APLP2: variants seen among roughly 807,000 people sequenced by gnomAD.
APLP2 encodes the protein CDEI box-binding protein.
In APLP2, 53 loss-of-function variants were observed where a neutral mutation model predicts 89.9. That is an observed-to-expected ratio of 0.59 (90% confidence interval 0.47 to 0.74). The LOEUF (loss-of-function observed/expected upper bound fraction) is 0.74, where lower values mean the gene tolerates loss of function less well. APLP2 is among the 30% of genes least tolerant of loss of function. APLP2 has a pLI of 0.00. For synonymous variants in APLP2, 372 were observed against 348.6 expected, an observed-to-expected ratio of 1.07 and a Z score of -0.75; for missense variants, 973 against 975.9, an observed-to-expected ratio of 1.00 and a Z score of 0.04.
Position 130,128,373 on chromosome 11 carries a change from T to G in APLP2, c.1296+533T>G, listed in dbSNP as rs147250882. ...TTGTAAATTTTAAATCATTTTATGT[T>G]TAGCTGAAATGCCTTTCCTCCTAAT... is the stretch of plus-strand genomic sequence containing the variant. On this transcript the variant is annotated intron_variant, in intron 9 of 16. Transcript: ENST00000338167. Among the ~76,000 whole-genome samples, 880 of 152,332 alleles carry G rather than the reference T, an allele frequency of 5.8e-3. 8 individuals are homozygous for G. Among genetic ancestry groups the G allele is most frequent in the African/African-American group, 0.02 (842 of 41,558 alleles).
chr11:130,120,893 A>C, intron 4 of APLP2, 75 bp downstream of exon 4: 2 of 1,019,568 alleles, frequency 2.0e-6, no homozygotes, highest in Non-Finnish European at 3.1e-6. Context: ...TCCAAATCTC[A>C]CCATGCTTTT....
chr11:130,123,701 T>A lies in APLP2; in HGVS notation c.1012T>A (p.Phe338Ile), dbSNP rs1226928884. ...CCTCTCCAAGGGAAAGTGCGTGCGCTTTATATATGGTGGCTGCGGCGGCAA... is the reference window on the plus strand; with the variant it reads ...CCTCTCCAAGGGAAAGTGCGTGCGCATTATATATGGTGGCTGCGGCGGCAA... ...FDLSKGKCVR[F>I]IYGGCGGNRN... The change falls in exon 7 of 17, where the codon TTT (phenylalanine) becomes ATT (isoleucine). Residue 338 changes from phenylalanine (F) to isoleucine (I), a missense_variant. Transcript: ENST00000338167. This position sits in a 1 kb window ranked among gnomAD's most constrained non-coding sequence, Gnocchi z 4.0. 9.3e-6 allele frequency: 15 copies of A among 1,614,266 alleles called. No individual in the cohort carries two copies. The highest frequency in any genetic ancestry group is 1.3e-5 in the Non-Finnish European group (15 of 1,180,052).
chr11:130,097,735 TTGGTTTTTATGGAATAA>T (rs1212107036), intron 1 of APLP2, among the ~76,000 whole-genome samples: 1 of 152,236 alleles, frequency 6.6e-6, no homozygotes, highest in Non-Finnish European at 1.5e-5. Flanking sequence ...TTTCCAGTGT[TTGGTTTTTATGGAATAA>T]TGGAACTAAG....
At chr11:130,091,410 A>T (rs879172472) in intron 1 of APLP2, among the ~76,000 whole-genome samples, 65 of 124,088 alleles carry the variant, frequency 5.2e-4, no homozygotes, top group East Asian at 1.4e-3. Flanking sequence ...CTGGCCGGGC[A>T]GAGGGGCTCC....
Position 130,123,131 on chromosome 11 carries a change from G to A in APLP2, c.923-481G>A, listed in dbSNP as rs1216492706. ...GAATTATTTAGGACCCAAGTTGGGG[G>A]AAATTACTTAACCAGTTGAGAAGTT... On this transcript the variant is annotated intron_variant, in intron 6 of 16. Transcript: ENST00000338167. This position sits in a 1 kb window ranked among gnomAD's most constrained non-coding sequence, Gnocchi z 4.0. 6.6e-6 allele frequency among the ~76,000 whole-genome samples: 1 copy of A among 152,176 alleles called. No homozygotes were observed. The highest frequency in any genetic ancestry group is 1.5e-5 in the Non-Finnish European group (1 of 68,038).
chr11:130,082,828 CT>C, intron 1 of APLP2: 2 of 158,386 alleles, frequency 1.3e-5, no homozygotes. Context: ...AGGGGGGAAG[CT>C]TTTCATATAC....
At chr11:130,113,644 C>T (rs192436588) in intron 3 of APLP2, among the ~76,000 whole-genome samples, 1 of 152,212 alleles carries the variant, frequency 6.6e-6, no homozygotes, top group Non-Finnish European at 1.5e-5. Context: ...GTCTCCCTGC[C>T]CCTTCCGCTG....
chr11:130,070,603 C>T, intron 1 of APLP2: 1 of 1,356,832 alleles, frequency 7.4e-7, no homozygotes, highest in South Asian at 1.7e-5. Context: ...GGCCTTCGCG[C>T]GCGGCAGGGA....
At chr11:130,107,545 C>T (rs1947940106) in intron 1 of APLP2, among the ~76,000 whole-genome samples, 1 of 152,152 alleles carries the variant, frequency 6.6e-6, no homozygotes, top group African/African-American at 2.4e-5. Flanking sequence ...CTAGAAACCA[C>T]TGCTCAATGA....
Position 130,109,516 on chromosome 11 carries a change from AT to A in APLP2, c.195del (p.Gln66ArgfsTer38). The stretch of plus-strand genomic sequence containing the variant: ...TGGGAAGTTAAATATGCATGTGAAC[AT>A]TCAGACTGGGAAATGGGAACCTGAT... The part of the protein sequence containing the change: ...FCGKLNMHVN[I>X]QTGKWEPDPT... On this transcript the variant is annotated frameshift_variant, in exon 2 of 17. Transcript: ENST00000338167. LOFTEE classifies it high-confidence loss of function. 1.2e-6 allele frequency: 2 copies of A among 1,614,076 alleles called. No individual in the cohort carries two copies. The highest frequency in any genetic ancestry group is 1.7e-6 in the Non-Finnish European group (2 of 1,179,956).
chr11:130,070,692 C>A, intron 1 of APLP2: 1 of 1,478,260 alleles, frequency 6.8e-7, no homozygotes, highest in East Asian at 3.0e-5. Flanking sequence ...CGCGGACGCG[C>A]ATTTTTTAAG....
chr11:130,103,431 G>C (rs1238333702), intron 1 of APLP2, among the ~76,000 whole-genome samples: 1 of 152,004 alleles, frequency 6.6e-6, no homozygotes, highest in Non-Finnish European at 1.5e-5. Flanking sequence ...CTGATGTGAG[G>C]ATCTGTTGGT....
At chr11:130,124,769 A>C (rs1950190520) in intron 7 of APLP2, among the ~76,000 whole-genome samples, 1 of 152,232 alleles carries the variant, frequency 6.6e-6, no homozygotes, top group Admixed American at 6.5e-5. Context: ...TTCCAGCTCC[A>C]GGAAAGCTGT....
chr11:130,129,392 C>T (rs1282307603), intron 10 of APLP2, among the ~76,000 whole-genome samples, 186 bp downstream of exon 10: 3 of 152,198 alleles, frequency 2.0e-5, no homozygotes, highest in Non-Finnish European at 2.9e-5. Context: ...AGCATGACAT[C>T]GCTTTATGCC....
At chr11:130,134,962 G>A (rs926699218) in intron 12 of APLP2, among the ~76,000 whole-genome samples, 3 of 152,176 alleles carry the variant, frequency 2.0e-5, no homozygotes, top group Non-Finnish European at 4.4e-5. Flanking sequence ...GGGGATGTAG[G>A]ATTTAGGTGA....
intron 13 of APLP2, among the ~76,000 whole-genome samples, chr11:130,140,150 C>T (rs942775473): frequency 2.0e-5 from 3 of 152,246 alleles, no homozygotes; most frequent in Non-Finnish European, 2.9e-5. Context: ...TTTCATTTTC[C>T]CAAGTTGGAG....
chr11:130,075,210 C>T lies in APLP2; in HGVS notation c.105+5128C>T, dbSNP rs185919549. Among the ~76,000 whole-genome samples, 255 of 152,236 alleles carry T rather than the reference C, an allele frequency of 1.7e-3. 3 individuals carry two copies. In the East Asian group the frequency reaches 0.024, roughly 14 times the overall value. ...TCTTACCAAGGCTGGAGTGCAGTGG[C>T]GCAGCCATGGCTCACTGCGGCCTCA... On this transcript the variant is annotated intron_variant, in intron 1 of 16. Coordinates refer to ENST00000338167, the MANE Select transcript of APLP2 (RefSeq NM_001142276.2).
chr11:130,123,870 G>A lies in APLP2; in HGVS notation c.1090+91G>A. 1 of 1,414,984 alleles carries A rather than the reference G, an allele frequency of 7.1e-7. No homozygotes were observed. The highest frequency in any genetic ancestry group is 1.3e-5 in the South Asian group (1 of 78,042). 87.7% of individuals were successfully genotyped at this position (1,414,984 alleles called of 1,614,324 possible). A position where few individuals can be genotyped will look rare whatever the true frequency, so the allele number is the denominator to read the frequency against. On this transcript the variant is annotated intron_variant, in intron 7 of 16. Coordinates refer to ENST00000338167, the MANE Select transcript of APLP2 (RefSeq NM_001142276.2). The surrounding 1 kb of genome is among the most constrained non-coding windows in gnomAD (Gnocchi z 4.0). ...GTCTTCGTGGCTGCATCTGTGTGGTGTCCCTGCCCACTCGGGTGTTTGCTG... is the reference window on the plus strand; with the variant it reads ...GTCTTCGTGGCTGCATCTGTGTGGTATCCCTGCCCACTCGGGTGTTTGCTG...
chr11:130,140,261 C>G, intron 13 of APLP2, 137 bp from the exon 14 acceptor site: 1 of 565,218 alleles, frequency 1.8e-6, no homozygotes, highest in Non-Finnish European at 3.1e-6. Context: ...GACTTGTGAA[C>G]ATGGTGGCAG....
Sources: gnomAD v4.1 joint callset for allele counts (sites outside exome capture counted in the v4.1 genomes callset) on GRCh38, gnomAD v4.1.1 for gene constraint, Gnocchi (gnomAD v3.1) non-coding constraint, MANE v1.5 for transcripts, NCBI Gene and HGNC (gene_info 2026-07-23, HGNC 2026-07-21) for gene names.